S100PBP: variants seen among roughly 807,000 people sequenced by gnomAD.
S100PBP encodes the protein S100P binding protein, also known as S100P-binding protein.
In S100PBP, 15 loss-of-function variants were observed where a neutral mutation model predicts 39.9. The ratio of observed to expected loss-of-function variants is 0.38; its 90% confidence interval spans 0.25 to 0.58. The LOEUF (loss-of-function observed/expected upper bound fraction) is 0.58, where lower values mean the gene tolerates loss of function less well. Among genes scored for constraint, S100PBP ranks in the 20% least tolerant of loss-of-function variants. S100PBP has a pLI of 0.70. For synonymous variants in S100PBP, 178 were observed against 180.3 expected (o/e 0.99, Z 0.10); for missense variants, 504 against 487.3 (o/e 1.03, Z -0.32).
chr1:32,852,961 G>T (rs114043376), intron 5 of S100PBP, 118 bp from the exon 6 acceptor site: 1 of 666,496 alleles, frequency 1.5e-6, no homozygotes. Context: ...TGTGATAATT[G>T]TAAGTATATA....
chr1:32,822,392 C>T (rs1639113143), intron 1 of S100PBP, among the ~76,000 whole-genome samples: 1 of 151,990 alleles, frequency 6.6e-6, no homozygotes, highest in Non-Finnish European at 1.5e-5. Context: ...GCGGGCGGAT[C>T]ACCTGAGGTC....
chr1:32,830,272 C>T lies in S100PBP; in HGVS notation c.1024+205C>T, dbSNP rs373332667. Among the ~76,000 whole-genome samples, 6 of 152,306 alleles carry T rather than the reference C, an allele frequency of 3.9e-5. No individual in the cohort carries two copies. In the East Asian group the frequency reaches 5.8e-4, roughly 15 times the overall value. On this transcript the variant is annotated intron_variant, in intron 5 of 6. Coordinates refer to ENST00000373475, the MANE Select transcript of S100PBP (RefSeq NM_022753.4). ...TGGTTAACCAGTTTTAGAGAGGGAT[C>T]TAAGCACGTTTACAACAGTACATGA...
intron 4 of S100PBP, 76 bp downstream of exon 4, chr1:32,828,157 T>A: frequency 2.0e-6 from 2 of 977,888 alleles, no homozygotes. Flanking sequence ...TCCAGTTTCC[T>A]CTTAGTGCAG....
intron 2 of S100PBP, 119 bp from the exon 3 acceptor site, chr1:32,825,979 A>T: frequency 1.5e-6 from 1 of 677,630 alleles, no homozygotes; most frequent in Non-Finnish European, 2.5e-6. Flanking sequence ...ATTATTTCTT[A>T]TGCTACAAGT....
intron 1 of S100PBP, among the ~76,000 whole-genome samples, chr1:32,819,727 C>T (rs987771648): frequency 1.3e-5 from 2 of 152,148 alleles, no homozygotes; most frequent in Non-Finnish European, 2.9e-5. Context: ...CACTGAAGAA[C>T]TTCAGTTTTA....
At chr1:32,822,660 CAGAA>C (rs1005309756) in intron 1 of S100PBP, among the ~76,000 whole-genome samples, 3 of 150,276 alleles carry the variant, frequency 2.0e-5, no homozygotes, top group Non-Finnish European at 4.4e-5. Context: ...CATCAGACAT[CAGAA>C]AGAGAATGGT....
chr1:32,854,258 C>T (rs371791612), intron 6 of S100PBP, among the ~76,000 whole-genome samples: 5 of 152,112 alleles, frequency 3.3e-5, no homozygotes, highest in African/African-American at 9.7e-5. Context: ...CAGATGCTCA[C>T]GTTCCTTATA....
chr1:32,837,527 T>A (rs1458237820), intron 5 of S100PBP, among the ~76,000 whole-genome samples: 1 of 142,530 alleles, frequency 7.0e-6, no homozygotes, highest in Non-Finnish European at 1.5e-5. Flanking sequence ...ATCGCGCCAT[T>A]GCACTCCGGC....
chr1:32,841,179 A>T (rs1030283344), intron 5 of S100PBP, among the ~76,000 whole-genome samples: 3 of 151,912 alleles, frequency 2.0e-5, no homozygotes, highest in Non-Finnish European at 4.4e-5. Flanking sequence ...AAAAAATAAA[A>T]AAAATTGGAT....
chr1:32,822,441 C>T (rs1159160021), intron 1 of S100PBP, among the ~76,000 whole-genome samples: 14 of 151,726 alleles, frequency 9.2e-5, no homozygotes, highest in Non-Finnish European at 2.9e-5. Context: ...TGTGAAACCC[C>T]GTCTCTACTA....
At chr1:32,849,865 G>A (rs1335231116) in intron 5 of S100PBP, among the ~76,000 whole-genome samples, 2 of 152,100 alleles carry the variant, frequency 1.3e-5, no homozygotes, top group East Asian at 1.9e-4. Context: ...TCTGTGCCTC[G>A]GTTTCTTTAC....
chr1:32,820,983 T>C (rs776582827), intron 1 of S100PBP, among the ~76,000 whole-genome samples: 8 of 148,844 alleles, frequency 5.4e-5, no homozygotes, highest in Non-Finnish European at 1.2e-4. Context: ...CTCAAAAAAA[T>C]AACAATAATT....
intron 5 of S100PBP, among the ~76,000 whole-genome samples, chr1:32,846,036 C>A (rs1203693458): frequency 2.0e-5 from 3 of 151,596 alleles, no homozygotes; most frequent in Non-Finnish European, 4.4e-5. Context: ...ATCACCCAGG[C>A]TGGAGTGCAA....
intron 6 of S100PBP, among the ~76,000 whole-genome samples, chr1:32,853,861 C>T (rs1022004207): frequency 1.3e-5 from 2 of 152,116 alleles, no homozygotes; most frequent in Non-Finnish European, 2.9e-5. Context: ...CCACTGCACT[C>T]CAGCCTGGGC....
At chr1:32,833,003 C>T (rs896493197) in intron 5 of S100PBP, among the ~76,000 whole-genome samples, 6 of 151,442 alleles carry the variant, frequency 4.0e-5, no homozygotes, top group South Asian at 2.1e-4. Context: ...TTTATAATAA[C>T]ACTTAAAAAG....
Position 32,838,555 on chromosome 1 carries a change from C to T in S100PBP, c.1024+8488C>T, listed in dbSNP as rs146633656. ...TCTTTTTAAAACCTCTTTATAAAAA[C>T]GTTTTGGCTGGGTGCAGTGGCTCAC... is the stretch of plus-strand genomic sequence containing the variant. On this transcript the variant is annotated intron_variant, in intron 5 of 6. Coordinates refer to ENST00000373475, the MANE Select transcript of S100PBP (RefSeq NM_022753.4). Among the ~76,000 whole-genome samples, 744 of 151,542 alleles carry T rather than the reference C, an allele frequency of 4.9e-3. 9 individuals are homozygous for T. The highest frequency in any genetic ancestry group is 0.017 in the African/African-American group (715 of 41,356).
chr1:32,853,022 C>T (rs1640675255), intron 5 of S100PBP, 57 bp from the exon 6 acceptor site: 10 of 1,162,484 alleles, frequency 8.6e-6, no homozygotes, highest in Admixed American at 3.5e-5. Context: ...CATACTTTGA[C>T]GTTGGCTGAC....
intron 5 of S100PBP, chr1:32,836,349 C>T (rs1361536456): frequency 6.2e-6 from 1 of 160,164 alleles, no homozygotes; most frequent in East Asian, 1.9e-4. Flanking sequence ...TCAGGCTGGT[C>T]TCGAACTCCT....
rs1029281693 is a variant in S100PBP, at chr1:32,826,687, A to C, written c.588A>C (p.Glu196Asp). The part of the protein sequence containing the change: ...LSPNESKLCT[E>D]SEGISPNNSA... ...CAAATGAAAGCAAACTTTGTACTGAATCTGAAGGGATCAGCCCCAATAACT... is the reference window on the plus strand; with the variant it reads ...CAAATGAAAGCAAACTTTGTACTGACTCTGAAGGGATCAGCCCCAATAACT... The change falls in exon 3 of 7, where the codon GAA becomes GAC. Residue 196 changes from glutamate (E) to aspartate (D), a missense_variant. Glu to Asp is a conservative substitution (Grantham distance 45). Transcript: ENST00000373475. The C allele has an allele frequency of 2.4e-5, 38 of 1,614,054 alleles. No individual in the cohort carries two copies. Among genetic ancestry groups the C allele is most frequent in the Non-Finnish European group, 3.1e-5 (36 of 1,180,018 alleles).
Sources: gnomAD v4.1 joint callset for allele counts (sites outside exome capture counted in the v4.1 genomes callset) on GRCh38, gnomAD v4.1.1 for gene constraint, MANE v1.5 for transcripts, NCBI Gene and HGNC (gene_info 2026-07-23, HGNC 2026-07-21) for gene names.